NXPH1: variants seen among roughly 807,000 people sequenced by gnomAD.
NXPH1 encodes the protein neurexophilin 1.
Under a neutral mutation model 23.7 loss-of-function variants are expected in NXPH1, and 5 were observed. That is an observed-to-expected ratio of 0.21 (90% CI 0.11 to 0.44). The LOEUF (loss-of-function observed/expected upper bound fraction) is 0.44. Among genes scored for constraint, NXPH1 ranks in the 20% least tolerant of loss-of-function variants. The probability of loss-of-function intolerance (pLI) is 0.99; values close to 1 mark genes in which losing one functional copy is unlikely to be tolerated. For missense variants in NXPH1, 324 were observed against 321.6 expected, an observed-to-expected ratio of 1.01 and a Z score of -0.06; for synonymous variants, 144 against 122.2, an observed-to-expected ratio of 1.18 and a Z score of -1.18.
intron 2 of NXPH1, among the ~76,000 whole-genome samples, chr7:8,484,193 A>G (rs1047657344): frequency 6.6e-6 from 1 of 152,090 alleles, no homozygotes; most frequent in African/African-American, 2.4e-5. Context: ...CTACCTCAAA[A>G]ATCTCACATA....
chr7:8,613,957 A>G (rs1819675909), intron 2 of NXPH1, among the ~76,000 whole-genome samples: 1 of 151,842 alleles, frequency 6.6e-6, no homozygotes, highest in Admixed American at 6.6e-5. Context: ...AGTTTCAACG[A>G]CTAATATTGT....
At chr7:8,605,728 A>T (rs113453111) in intron 2 of NXPH1, among the ~76,000 whole-genome samples, 239 of 152,236 alleles carry the variant, frequency 1.6e-3, no homozygotes, top group Non-Finnish European at 2.9e-3. Flanking sequence ...TTGAAAATAG[A>T]TAAGTTAAAT....
intron 2 of NXPH1, among the ~76,000 whole-genome samples, chr7:8,654,136 T>C (rs1230409056): frequency 1.3e-5 from 2 of 152,206 alleles, no homozygotes; most frequent in Non-Finnish European, 2.9e-5. Context: ...TCATTGCTTT[T>C]GGATAGTCTC....
chr7:8,452,263 C>T (rs191567151), intron 2 of NXPH1, among the ~76,000 whole-genome samples: 36 of 152,208 alleles, frequency 2.4e-4, no homozygotes, highest in South Asian at 2.1e-4. Context: ...ATCCAATAAC[C>T]GAATCCAAGT....
At chr7:8,662,185 T>TACAC (rs71017609) in intron 2 of NXPH1, among the ~76,000 whole-genome samples, 9,496 of 148,720 alleles carry the variant, frequency 0.064, 668 homozygotes, top group East Asian at 0.25. Flanking sequence ...TATATATATA[T>TACAC]ATATACACAC....
intron 2 of NXPH1, among the ~76,000 whole-genome samples, chr7:8,624,958 G>A (rs989603252): frequency 5.3e-5 from 8 of 152,022 alleles, no homozygotes; most frequent in Non-Finnish European, 1.0e-4. Context: ...CTAAAAAAGT[G>A]GGGTAGGCTA....
chr7:8,602,583 G>C (rs564607867), intron 2 of NXPH1, among the ~76,000 whole-genome samples: 13 of 152,176 alleles, frequency 8.5e-5, no homozygotes, highest in African/African-American at 2.9e-4. Flanking sequence ...CTGCTATTCA[G>C]CTCATTTATA....
At chr7:8,502,427 T>C (rs2128612686) in intron 2 of NXPH1, among the ~76,000 whole-genome samples, 1 of 152,076 alleles carries the variant, frequency 6.6e-6, no homozygotes, top group Non-Finnish European at 1.5e-5. Flanking sequence ...TAAAAGTGCA[T>C]ATTATGTACA....
At chr7:8,671,315 C>T (rs1288880886) in intron 2 of NXPH1, among the ~76,000 whole-genome samples, 1 of 152,120 alleles carries the variant, frequency 6.6e-6, no homozygotes, top group African/African-American at 2.4e-5. Context: ...CTGTCTTTGG[C>T]CATTGAAGCT....
chr7:8,655,382 CTGTCTT>C (rs1438348574), intron 2 of NXPH1, among the ~76,000 whole-genome samples: 41 of 130,492 alleles, frequency 3.1e-4, no homozygotes, highest in African/African-American at 1.1e-3. Flanking sequence ...GAGTCTGTCT[CTGTCTT>C]TGTCTTTGTC....
intron 2 of NXPH1, among the ~76,000 whole-genome samples, chr7:8,653,232 T>A (rs1460144536): frequency 5.9e-5 from 9 of 152,182 alleles, no homozygotes; most frequent in African/African-American, 2.2e-4. Context: ...TCACTCTTTT[T>A]AAAAATAAAC....
chr7:8,708,789 A>G (rs1779742530), intron 2 of NXPH1, among the ~76,000 whole-genome samples: 1 of 152,162 alleles, frequency 6.6e-6, no homozygotes, highest in African/African-American at 2.4e-5. Context: ...TTCACTTTTG[A>G]TGGATTGTTA....
chr7:8,736,113 TG>T (rs1222084917), intron 2 of NXPH1, among the ~76,000 whole-genome samples: 5 of 152,208 alleles, frequency 3.3e-5, no homozygotes, highest in African/African-American at 1.2e-4. Context: ...AAGGATTTTT[TG>T]TGTCTCTATC....
chr7:8,628,441 AC>A (rs1306525733), intron 2 of NXPH1, among the ~76,000 whole-genome samples: 1 of 151,862 alleles, frequency 6.6e-6, no homozygotes, highest in Admixed American at 6.6e-5. Context: ...ACCAAACTAA[AC>A]CAAAAACCCA....
At chr7:8,692,552 A>G (rs1199136643) in intron 2 of NXPH1, among the ~76,000 whole-genome samples, 2 of 152,214 alleles carry the variant, frequency 1.3e-5, no homozygotes, top group African/African-American at 2.4e-5. Context: ...AGGGACTTAT[A>G]TGTGCTCTAG....
At chr7:8,656,720 A>G (rs1278510901) in intron 2 of NXPH1, among the ~76,000 whole-genome samples, 1 of 149,684 alleles carries the variant, frequency 6.7e-6, no homozygotes. Flanking sequence ...CAGTCCCCAG[A>G]GTGTGATGTT....
At chr7:8,498,009 T>C (rs1031492924) in intron 2 of NXPH1, among the ~76,000 whole-genome samples, 1 of 152,124 alleles carries the variant, frequency 6.6e-6, no homozygotes, top group African/African-American at 2.4e-5. Context: ...CCTGTTTCCT[T>C]ATAGCAGTAG....
At chr7:8,643,386 G>A (rs1820348019) in intron 2 of NXPH1, among the ~76,000 whole-genome samples, 1 of 152,082 alleles carries the variant, frequency 6.6e-6, no homozygotes, top group South Asian at 2.1e-4. Flanking sequence ...CTGAATTGTT[G>A]CTAATACTTT....
intron 2 of NXPH1, among the ~76,000 whole-genome samples, chr7:8,463,316 A>G (rs1006923947): frequency 1.5e-4 from 22 of 151,006 alleles, no homozygotes; most frequent in Non-Finnish European, 3.0e-4. Flanking sequence ...TCATGGCCAC[A>G]TAGTATTTTT....
Sources: gnomAD v4.1 joint callset for allele counts (sites outside exome capture counted in the v4.1 genomes callset) on GRCh38, gnomAD v4.1.1 for gene constraint, MANE v1.5 for transcripts, NCBI Gene and HGNC (gene_info 2026-07-23, HGNC 2026-07-21) for gene names.